The following GRIN2A variants were observed in gnomAD, a reference collection of about 807,000 sequenced individuals.
GRIN2A encodes glutamate receptor ionotropic, NMDA 2A.
A neutral mutation model predicts 113.4 loss-of-function variants in GRIN2A; 22 were observed. That is an observed-to-expected ratio of 0.19 (90% CI 0.14 to 0.28). The LOEUF (loss-of-function observed/expected upper bound fraction) is 0.28. GRIN2A is among the 10% of genes least tolerant of loss of function. The probability of loss-of-function intolerance (pLI) is 1.00; values close to 1 mark genes in which losing one functional copy is unlikely to be tolerated. For missense variants in GRIN2A, 1,502 were observed against 1,887.0 expected, an observed-to-expected ratio of 0.80 and a Z score of 3.78; for synonymous variants, 827 against 738.4, an observed-to-expected ratio of 1.12 and a Z score of -1.94.
At chr16:10,173,061 C>A (rs559194690) in intron 2 of GRIN2A, among the ~76,000 whole-genome samples, 4 of 152,180 alleles carry the variant, frequency 2.6e-5, no homozygotes, top group African/African-American at 9.7e-5. Flanking sequence ...TGTCAGCAAC[C>A]CCTGAGGGCT....
intron 2 of GRIN2A, among the ~76,000 whole-genome samples, chr16:9,948,795 C>A (rs1302890179): frequency 6.6e-6 from 1 of 152,206 alleles, no homozygotes; most frequent in Middle Eastern, 3.2e-3. Context: ...GAGAAGGAAG[C>A]ACCGGTCAGT....
intron 3 of GRIN2A, among the ~76,000 whole-genome samples, chr16:9,924,205 C>T (rs1339521428): frequency 6.6e-6 from 1 of 151,090 alleles, no homozygotes; most frequent in Admixed American, 6.6e-5. Flanking sequence ...TGTGATGATC[C>T]ATATTCTGTT....
intron 2 of GRIN2A, among the ~76,000 whole-genome samples, chr16:9,964,118 T>G (rs2045503437): frequency 6.6e-6 from 1 of 152,188 alleles, no homozygotes. Flanking sequence ...GCAGCAGAGA[T>G]TGCAGGTGAC....
At chr16:9,949,750 T>C (rs1196907722) in intron 2 of GRIN2A, among the ~76,000 whole-genome samples, 6 of 151,096 alleles carry the variant, frequency 4.0e-5, no homozygotes, top group Admixed American at 4.0e-4. Flanking sequence ...GGTGGGTGGG[T>C]GGATGGATGG....
intron 2 of GRIN2A, among the ~76,000 whole-genome samples, chr16:10,043,722 T>A (rs558986379): frequency 6.6e-6 from 1 of 152,088 alleles, no homozygotes; most frequent in South Asian, 2.1e-4. Context: ...CATCTTAACC[T>A]GCCCCCATCA....
rs376125239 is a variant in GRIN2A at position 10,180,048 on chromosome 16, C to A, written c.364G>T (p.Val122Phe). Residue 122 changes from valine (V) to phenylalanine (F), a missense_variant, in exon 2 of 13, where the codon GTC becomes TTC. Transcript: ENST00000330684. The surrounding 1 kb of genome is among the most constrained non-coding windows in gnomAD (Gnocchi z 7.0). ...MLDFISSHTF[V>F]PILGIHGGAS... ...CCCCCATGAATGCCCAAGATGGGGA[C>A]GAAGGTGTGGGAGGAGATAAAATCC... is the stretch of plus-strand genomic sequence containing the variant. The A allele has an allele frequency of 1.9e-6, 3 of 1,614,040 alleles. No homozygotes were observed. The highest frequency in any genetic ancestry group is 2.5e-6 in the Non-Finnish European group (3 of 1,179,910).
Position 10,179,980 on chromosome 16 carries a change from A to C in GRIN2A, c.414+18T>G. The C allele has an allele frequency of 6.6e-7, 1 of 1,514,592 alleles. No individual in the cohort carries two copies. Among genetic ancestry groups the C allele is most frequent in the Non-Finnish European group, 9.0e-7 (1 of 1,116,048 alleles). 93.8% of individuals were successfully genotyped at this position (1,514,592 alleles called of 1,614,324 possible). A position where few individuals can be genotyped will look rare whatever the true frequency, so the allele number is the denominator to read the frequency against. ...GTGGCTTCCCAGGTCCTGGCAGGGCATCAGTTTCCGGCCTTACCTTGTCAG... is the reference window on the plus strand; with the variant it reads ...GTGGCTTCCCAGGTCCTGGCAGGGCCTCAGTTTCCGGCCTTACCTTGTCAG... On this transcript the variant is annotated intron_variant, in intron 2 of 12. Coordinates refer to ENST00000330684, the MANE Select transcript of GRIN2A (RefSeq NM_001134407.3).
intron 11 of GRIN2A, among the ~76,000 whole-genome samples, chr16:9,774,453 C>T (rs985778945): frequency 9.2e-5 from 14 of 152,214 alleles, no homozygotes; most frequent in African/African-American, 3.1e-4. Context: ...TTGGCTTCCA[C>T]AGGTACCGGC....
Position 9,754,935 on chromosome 16 carries a change from C to T in GRIN2A, c.*8214G>A. 1 of 218,610 alleles carries T rather than the reference C, an allele frequency of 4.6e-6. No individual in the cohort carries two copies. The highest frequency in any genetic ancestry group is 9.2e-6 in the Non-Finnish European group (1 of 108,886). The allele number at this position is 218,610 out of a possible 1,614,324, so 13.5% of individuals were successfully genotyped here. ...AATGCCAAAGACAAACTCATGTTTG[C>T]TGGAGAACAATTAACCTCATTAATT... On this transcript the variant is annotated 3_prime_UTR_variant, in exon 13 of 13. Coordinates refer to ENST00000330684, the MANE Select transcript of GRIN2A (RefSeq NM_001134407.3).
chr16:9,757,972 A>C lies in GRIN2A; in HGVS notation c.*5177T>G, dbSNP rs1476790699. 4.5e-6 allele frequency: 1 copy of C among 220,928 alleles called. No individual in the cohort carries two copies. Among genetic ancestry groups the C allele is most frequent in the African/African-American group, 2.2e-5 (1 of 44,664 alleles). 13.7% of individuals were successfully genotyped at this position (220,928 alleles called of 1,614,324 possible). On this transcript the variant is annotated 3_prime_UTR_variant, in exon 13 of 13. Transcript: ENST00000330684. ...AGGAGTTTCCCCTTGAAAGAAACCT[A>C]GAAATAAGTCAGCCCGGTCAGAGAA...
chr16:9,876,223 G>C (rs1395895365), intron 4 of GRIN2A, among the ~76,000 whole-genome samples: 2 of 152,150 alleles, frequency 1.3e-5, no homozygotes, highest in Admixed American at 6.5e-5. Flanking sequence ...AATGTGCACA[G>C]ACTTGCTGGC....
At chr16:10,090,041 T>A (rs1479420041) in intron 2 of GRIN2A, among the ~76,000 whole-genome samples, 1 of 152,194 alleles carries the variant, frequency 6.6e-6, no homozygotes, top group African/African-American at 2.4e-5. Flanking sequence ...GATACATTTA[T>A]CCATTTATTT....
At chr16:10,101,783 C>G (rs575739837) in intron 2 of GRIN2A, among the ~76,000 whole-genome samples, 1 of 152,336 alleles carries the variant, frequency 6.6e-6, no homozygotes, top group Admixed American at 6.5e-5. Flanking sequence ...GCATCCCTCA[C>G]ACAACCTTCA....
intron 2 of GRIN2A, among the ~76,000 whole-genome samples, chr16:9,945,517 T>C (rs1161251803): frequency 7.2e-5 from 11 of 152,204 alleles, no homozygotes; most frequent in African/African-American, 2.6e-4. Flanking sequence ...GTAGTCAGGA[T>C]AGGGAGTCTG....
chr16:10,020,098 G>GA (rs1223348290), intron 2 of GRIN2A, among the ~76,000 whole-genome samples: 1 of 152,024 alleles, frequency 6.6e-6, no homozygotes, highest in African/African-American at 2.4e-5. Flanking sequence ...AAGCTGGAAG[G>GA]AAAAAAACAG....
intron 2 of GRIN2A, among the ~76,000 whole-genome samples, chr16:10,105,694 G>A (rs577362384): frequency 2.6e-5 from 4 of 152,226 alleles, no homozygotes; most frequent in East Asian, 1.9e-4. Flanking sequence ...ATCTCCTGAG[G>A]TTAGGAGTTT....
intron 2 of GRIN2A, among the ~76,000 whole-genome samples, chr16:10,014,194 G>A (rs1479004050): frequency 6.6e-6 from 1 of 152,160 alleles, no homozygotes; most frequent in Non-Finnish European, 1.5e-5. Flanking sequence ...TTTATTATCA[G>A]AACAAATGAA....
At chr16:10,122,023 G>A (rs950389179) in intron 2 of GRIN2A, among the ~76,000 whole-genome samples, 16 of 152,156 alleles carry the variant, frequency 1.1e-4, no homozygotes, top group African/African-American at 1.4e-4. Context: ...AAGGCTTCAC[G>A]TCAGATGAAC....
chr16:10,070,189 G>C (rs1195035951), intron 2 of GRIN2A, among the ~76,000 whole-genome samples: 1 of 152,166 alleles, frequency 6.6e-6, no homozygotes, highest in African/African-American at 2.4e-5. Flanking sequence ...GGGTCCCCGA[G>C]ATGCCAGCAA....
Sources: allele counts gnomAD v4.1 joint callset (sites outside exome capture counted in the v4.1 genomes callset), GRCh38; gene constraint gnomAD v4.1.1; non-coding constraint Gnocchi (gnomAD v3.1); transcripts MANE v1.5; gene names NCBI Gene and HGNC (gene_info 2026-07-23, HGNC 2026-07-21).